Variants in LYST observed in about 807,000 individuals in gnomAD.
LYST encodes the protein lysosomal-trafficking regulator.
In LYST, 192 loss-of-function variants were observed where a neutral mutation model predicts 413.6. The ratio of observed to expected loss-of-function variants is 0.46; its 90% CI spans 0.41 to 0.52. The LOEUF (loss-of-function observed/expected upper bound fraction) is 0.52. Ranked by LOEUF, LYST falls within the 20% of genes least tolerant of loss-of-function variation. LYST has a pLI of 0.00. For missense variants in LYST, 3,815 were observed against 4,499.9 expected, an observed-to-expected ratio of 0.85 and a Z score of 4.35; for synonymous variants, 1,525 against 1,567.3, an observed-to-expected ratio of 0.97 and a Z score of 0.64.
rs758413196 is a variant in LYST, at chr1:235,744,005, G to A, written c.8125C>T (p.Leu2709=). The A allele has an allele frequency of 2.7e-6, 4 of 1,495,288 alleles. No individual in the cohort carries two copies. The highest frequency in any genetic ancestry group is 3.7e-6 in the Non-Finnish European group (4 of 1,073,550). The allele number at this position is 1,495,288 out of a possible 1,614,324, so 92.6% of individuals were successfully genotyped here. A position where few individuals can be genotyped will look rare whatever the true frequency, so the allele number is the denominator to read the frequency against. Residue 2709 remains leucine, a synonymous_variant, in exon 30 of 53, where the codon CTG becomes TTG. Transcript: ENST00000389793. Reference sequence around the variant, plus strand: ...ATAGATACTTTGAATCCTTCTACCAGATATGTAAAAATTTCTTTCTGAAAT... The same window carrying A: ...ATAGATACTTTGAATCCTTCTACCAAATATGTAAAAATTTCTTTCTGAAAT... ...NPFQKEIFTY[L]VEGFKVSIGS... is the part of the protein sequence containing the mutation.
intron 15 of LYST, among the ~76,000 whole-genome samples, chr1:235,781,357 T>G (rs1558235384): frequency 6.6e-6 from 1 of 152,192 alleles, no homozygotes; most frequent in South Asian, 2.1e-4. Flanking sequence ...TTTGTTGTAT[T>G]TTTTAAATAA....
chr1:235,749,610 G>T (rs1032992996), intron 28 of LYST, among the ~76,000 whole-genome samples: 1 of 152,112 alleles, frequency 6.6e-6, no homozygotes, highest in African/African-American at 2.4e-5. Context: ...CTTTTATTAA[G>T]CTAAAAACTT....
chr1:235,858,309 G>A lies in LYST; in HGVS notation c.-98+8534C>T, dbSNP rs1281617253. Among the ~76,000 whole-genome samples, 7 of 152,160 alleles carry A rather than the reference G, an allele frequency of 4.6e-5. No individual in the cohort carries two copies. The East Asian group carries it at 1.3e-3, about 29-fold the overall frequency. On this transcript the variant is annotated intron_variant, in intron 1 of 52. Transcript: ENST00000389793. ...ATCTGTAAAATGTTGATACTAATATGTGAAACATAAGCATGATAACCTATG... is the reference window on the plus strand; with the variant it reads ...ATCTGTAAAATGTTGATACTAATATATGAAACATAAGCATGATAACCTATG...
chr1:235,804,357 TCACGAGGAGATAAGATC>T, intron 7 of LYST, 130 bp downstream of exon 7: 1 of 722,916 alleles, frequency 1.4e-6, no homozygotes, highest in Admixed American at 1.8e-5. Flanking sequence ...CACATATCCA[TCACGAGGAGATAAGATC>T]CACTGAACTC....
At chr1:235,708,589 G>A (rs539674280) in intron 44 of LYST, among the ~76,000 whole-genome samples, 2 of 152,316 alleles carry the variant, frequency 1.3e-5, no homozygotes, top group African/African-American at 2.4e-5. Context: ...CAGTATGTGC[G>A]AGGCAGAGGG....
At chr1:235,781,842 A>G in intron 15 of LYST, 85 bp downstream of exon 15, 1 of 917,310 alleles carries the variant, frequency 1.1e-6, no homozygotes, top group Non-Finnish European at 1.8e-6. Context: ...TTAACTGAGA[A>G]AAAAAACTGG....
intron 2 of LYST, among the ~76,000 whole-genome samples, chr1:235,830,703 T>A (rs1675881721): frequency 6.6e-6 from 1 of 152,190 alleles, no homozygotes; most frequent in Admixed American, 6.5e-5. Flanking sequence ...TTTCTCTTTT[T>A]AAGAGAGAAG....
Position 235,755,556 on chromosome 1 carries a change from T to C in LYST, c.7151A>G (p.Tyr2384Cys). 1 of 1,613,192 alleles carries C rather than the reference T, an allele frequency of 6.2e-7. No individual in the cohort carries two copies. The change falls in exon 25 of 53, where the codon TAT (tyrosine) becomes TGT (cysteine). Residue 2384 changes from tyrosine to cysteine, a missense_variant. By Grantham distance (194) the Tyr-to-Cys change is radical. Around this residue, in one of 4 missense-constraint regions of LYST, gnomAD observed 771 missense variants for 837.1 expected, o/e 0.92. Transcript: ENST00000389793. ...RGFSLLANQL[Y>C]LHRGTQELLE... Reference sequence around the variant, plus strand: ...CAATTCTTGAGTTCCTCGATGAAGATACAACTGGTTGGCTAGCAAGGAAAA... The same window carrying C: ...CAATTCTTGAGTTCCTCGATGAAGACACAACTGGTTGGCTAGCAAGGAAAA...
rs546878202 is a variant in LYST, at chr1:235,801,188, A to C, written c.3713-91T>G. Reference sequence around the variant, plus strand: ...TCATTTAGAAGATCTAGTGGCAAAAATAGTAATTCAGAGGATGCTTACAAA... The same window carrying C: ...TCATTTAGAAGATCTAGTGGCAAAACTAGTAATTCAGAGGATGCTTACAAA... On this transcript the variant is annotated intron_variant, in intron 8 of 52. Transcript: ENST00000389793. 1.1e-5 allele frequency: 9 copies of C among 852,558 alleles called. No individual in the cohort carries two copies. The East Asian group carries it at 2.2e-4, about 21-fold the overall frequency. 52.8% of individuals were successfully genotyped at this position (852,558 alleles called of 1,614,324 possible).
intron 52 of LYST, 124 bp downstream of exon 52, chr1:235,663,860 G>C (rs1385902806): frequency 4.9e-6 from 4 of 817,846 alleles, no homozygotes; most frequent in Non-Finnish European, 8.6e-6. Flanking sequence ...TGTGTGTTAA[G>C]TGGTTGGCTT....
At chr1:235,670,130 TA>T (rs1487038011) in intron 50 of LYST, among the ~76,000 whole-genome samples, 1 of 152,188 alleles carries the variant, frequency 6.6e-6, no homozygotes, top group African/African-American at 2.4e-5. Context: ...ACTTGTTCTG[TA>T]AACTACCTTT....
intron 24 of LYST, among the ~76,000 whole-genome samples, chr1:235,756,259 T>G (rs926452499): frequency 6.6e-6 from 1 of 152,124 alleles, no homozygotes; most frequent in African/African-American, 2.4e-5. Flanking sequence ...CACACATCTA[T>G]TTATTCCCCT....
At chr1:235,680,212 CAG>C (rs1405424742) in intron 48 of LYST, among the ~76,000 whole-genome samples, 4 of 152,030 alleles carry the variant, frequency 2.6e-5, no homozygotes, top group Admixed American at 6.6e-5. Context: ...TTTTAAGAAA[CAG>C]TAAATCTCTT....
chr1:235,697,563 T>C (rs1296662942), intron 45 of LYST, among the ~76,000 whole-genome samples: 1 of 152,260 alleles, frequency 6.6e-6, no homozygotes, highest in East Asian at 1.9e-4. Flanking sequence ...GTACATTTCT[T>C]ATTTCTAGTT....
chr1:235,663,046 T>A lies in LYST; in HGVS notation c.11300A>T (p.Tyr3767Phe), dbSNP rs942518406. ...LTFSCDGHHLYTANSDGTVIA... is the reference protein window; with the variant it reads ...LTFSCDGHHLFTANSDGTVIA... ...CACGGTCCCATCACTGTTTGCTGTG[T>A]ACAAATGGTGGCCATCACAAGAAAA... Residue 3767 changes from tyrosine (Y) to phenylalanine (F), a missense_variant, in exon 53 of 53, where the codon TAC (tyrosine) becomes TTC (phenylalanine). Tyr to Phe is a conservative substitution (Grantham distance 22). Coordinates refer to ENST00000389793, the MANE Select transcript of LYST (RefSeq NM_000081.4). 6.2e-7 allele frequency: 1 copy of A among 1,613,514 alleles called. No homozygotes were observed. Among genetic ancestry groups the A allele is most frequent in the Non-Finnish European group, 8.5e-7 (1 of 1,179,770 alleles).
At chr1:235,881,500 T>A (rs1418127068) in intron 1 of LYST, among the ~76,000 whole-genome samples, 1 of 152,102 alleles carries the variant, frequency 6.6e-6, no homozygotes, top group African/African-American at 2.4e-5. Flanking sequence ...GAAAGCAGGA[T>A]CTCAAAGAGA....
At chr1:235,863,757 G>A (rs1680175324) in intron 1 of LYST, among the ~76,000 whole-genome samples, 1 of 152,182 alleles carries the variant, frequency 6.6e-6, no homozygotes, top group Non-Finnish European at 1.5e-5. Flanking sequence ...CCCTGGTATA[G>A]TCAAGGTAAC....
chr1:235,792,630 T>C (rs1252357479), intron 11 of LYST, among the ~76,000 whole-genome samples: 2 of 150,564 alleles, frequency 1.3e-5, no homozygotes, highest in African/African-American at 2.4e-5. Context: ...TCTTAAAATA[T>C]GTAATCTTTT....
chr1:235,858,613 C>T (rs752615981), intron 1 of LYST, among the ~76,000 whole-genome samples: 9 of 152,104 alleles, frequency 5.9e-5, no homozygotes, highest in Non-Finnish European at 1.0e-4. Flanking sequence ...CCACATTTAC[C>T]AGCCTTGTCT....
Sources: allele counts gnomAD v4.1 joint callset (sites outside exome capture counted in the v4.1 genomes callset), GRCh38; gene constraint gnomAD v4.1.1; regional missense constraint gnomAD v4.1.1; transcripts MANE v1.5; gene names NCBI Gene and HGNC (gene_info 2026-07-23, HGNC 2026-07-21).